Variants in NDST3 observed in about 807,000 individuals in gnomAD.
The protein encoded by NDST3 is N-deacetylase and N-sulfotransferase 3, also known as bifunctional heparan sulfate N-deacetylase/N-sulfotransferase 3.
NDST3 carries 58 observed loss-of-function variants against 96.1 expected under a neutral mutation model. That is an observed-to-expected ratio of 0.60 (90% CI 0.49 to 0.75). NDST3 has a LOEUF of 0.75. Ranked by LOEUF, NDST3 falls within the 30% of genes least tolerant of loss-of-function variation. The pLI, the probability that NDST3 is intolerant of heterozygous loss-of-function variation, is 0.00. For missense variants in NDST3, 788 were observed against 1,034.2 expected (o/e 0.76, Z 3.27); for synonymous variants, 333 against 359.7 (o/e 0.93, Z 0.84).
chr4:118,136,731 C>T (rs375844352), intron 4 of NDST3, among the ~76,000 whole-genome samples: 17 of 152,102 alleles, frequency 1.1e-4, no homozygotes, highest in African/African-American at 2.2e-4. Context: ...CTACAGCTGA[C>T]GGAACTGAGT....
At chr4:118,228,529 G>A (rs1044400903) in intron 8 of NDST3, among the ~76,000 whole-genome samples, 1 of 152,092 alleles carries the variant, frequency 6.6e-6, no homozygotes, top group South Asian at 2.1e-4. Context: ...ATTTGTCGTT[G>A]GAAAAGACCT....
chr4:118,071,878 T>C (rs1045334916), intron 2 of NDST3, among the ~76,000 whole-genome samples: 1 of 152,136 alleles, frequency 6.6e-6, no homozygotes, highest in Non-Finnish European at 1.5e-5. Context: ...CCACTAGCAC[T>C]GTATGTCATC....
At chr4:118,206,113 A>C (rs975236896) in intron 6 of NDST3, among the ~76,000 whole-genome samples, 5 of 143,446 alleles carry the variant, frequency 3.5e-5, no homozygotes, top group African/African-American at 2.6e-5. Context: ...TTCAATAGAT[A>C]TGTGTCTCTT....
At chr4:118,038,778 G>A (rs919945088) in intron 1 of NDST3, among the ~76,000 whole-genome samples, 2 of 152,036 alleles carry the variant, frequency 1.3e-5, no homozygotes, top group African/African-American at 4.8e-5. Flanking sequence ...TTTCATTTAT[G>A]TTAGAACCTG....
At chr4:118,129,194 C>T (rs1732388484) in intron 4 of NDST3, among the ~76,000 whole-genome samples, 2 of 151,664 alleles carry the variant, frequency 1.3e-5, no homozygotes, top group African/African-American at 4.8e-5. Context: ...TTTACTTCTG[C>T]TTTGATCTTT....
chr4:118,153,291 C>T (rs914591233), intron 6 of NDST3, among the ~76,000 whole-genome samples: 4 of 152,158 alleles, frequency 2.6e-5, no homozygotes, highest in African/African-American at 9.6e-5. Context: ...ATGCAAGTTC[C>T]AATAGGCATT....
chr4:118,107,736 TA>T (rs11335648), intron 3 of NDST3, among the ~76,000 whole-genome samples: 114,483 of 152,010 alleles, frequency 0.75, 45,756 homozygotes, highest in South Asian at 0.92. Context: ...ATGTCTTAAA[TA>T]AGATAGAAAA....
intron 8 of NDST3, 48 bp from the exon 9 acceptor site, chr4:118,232,964 A>C (rs1336549547): frequency 6.4e-7 from 1 of 1,560,922 alleles, no homozygotes; most frequent in Non-Finnish European, 8.8e-7. Flanking sequence ...GATCATAGGA[A>C]ATTGTGTTTT....
intron 6 of NDST3, 128 bp downstream of exon 6, chr4:118,143,812 G>A: frequency 2.0e-6 from 2 of 988,638 alleles, no homozygotes; most frequent in South Asian, 2.1e-5. Flanking sequence ...TGAAACAGTA[G>A]TAAAAACTAA....
In NDST3 at chr4:118,084,981, G is replaced by A. The variant is rs188405569; in HGVS notation, c.982-20037G>A. 5.3e-4 allele frequency among the ~76,000 whole-genome samples: 81 copies of A among 152,136 alleles called. No individual in the cohort carries two copies. In the East Asian group the frequency reaches 0.015, roughly 27 times the overall value. On this transcript the variant is annotated intron_variant, in intron 2 of 13. Transcript: ENST00000296499. ...TAAAAATACAAAAACAAAATTAGCCGGGCATGGTGGCAGGCACCTGTAGTC... is the reference window on the plus strand; with the variant it reads ...TAAAAATACAAAAACAAAATTAGCCAGGCATGGTGGCAGGCACCTGTAGTC...
chr4:118,113,349 C>G (rs765809556), intron 3 of NDST3, among the ~76,000 whole-genome samples: 43 of 152,158 alleles, frequency 2.8e-4, no homozygotes, highest in Non-Finnish European at 5.9e-4. Context: ...AATATGTAAT[C>G]TTTGTACGTA....
At chr4:118,066,030 A>C (rs1245667167) in intron 2 of NDST3, among the ~76,000 whole-genome samples, 1 of 133,326 alleles carries the variant, frequency 7.5e-6, no homozygotes, top group Non-Finnish European at 1.5e-5. Flanking sequence ...AATAATAATA[A>C]TAAGTTCTTC....
intron 6 of NDST3, among the ~76,000 whole-genome samples, chr4:118,184,585 G>GTC (rs144222344): frequency 3.0e-3 from 349 of 117,388 alleles, no homozygotes; most frequent in African/African-American, 9.8e-3. Flanking sequence ...GTCTCCCTTT[G>GTC]TCTCTCTCTC....
intron 4 of NDST3, among the ~76,000 whole-genome samples, chr4:118,125,950 A>C (rs542222520): frequency 6.6e-6 from 1 of 152,152 alleles, no homozygotes; most frequent in South Asian, 2.1e-4. Flanking sequence ...TCCTTTGAAT[A>C]GCAACTTTAC....
intron 7 of NDST3, among the ~76,000 whole-genome samples, chr4:118,225,881 C>A (rs141461110): frequency 3.3e-5 from 5 of 152,082 alleles, no homozygotes; most frequent in Admixed American, 3.3e-4. Flanking sequence ...TTAACCACCA[C>A]GAAACATCAC....
chr4:118,050,184 C>T (rs1484538007), intron 1 of NDST3, among the ~76,000 whole-genome samples: 2 of 152,038 alleles, frequency 1.3e-5, no homozygotes, highest in Admixed American at 1.3e-4. Context: ...TTCAACATAC[C>T]TTCATGATAA....
At chr4:118,215,693 G>A (rs1739152632) in intron 6 of NDST3, among the ~76,000 whole-genome samples, 1 of 152,114 alleles carries the variant, frequency 6.6e-6, no homozygotes, top group Non-Finnish European at 1.5e-5. Flanking sequence ...CATGGGAGTT[G>A]AAAGTAGATG....
chr4:118,168,181 T>G (rs1249171198), intron 6 of NDST3, among the ~76,000 whole-genome samples: 1 of 151,852 alleles, frequency 6.6e-6, no homozygotes, highest in South Asian at 2.1e-4. Flanking sequence ...AATAAGGAGT[T>G]AATATTCAAA....
At chr4:118,196,112 T>A (rs1737667707) in intron 6 of NDST3, among the ~76,000 whole-genome samples, 1 of 152,214 alleles carries the variant, frequency 6.6e-6, no homozygotes, top group South Asian at 2.1e-4. Flanking sequence ...TCATACGGAT[T>A]TGTCCATCAT....
Sources: gnomAD v4.1 joint callset for allele counts (sites outside exome capture counted in the v4.1 genomes callset) on GRCh38, gnomAD v4.1.1 for gene constraint, MANE v1.5 for transcripts, NCBI Gene and HGNC (gene_info 2026-07-23, HGNC 2026-07-21) for gene names.